The following CHD5 variants were observed in gnomAD, a reference collection of about 807,000 sequenced individuals.
CHD5 encodes ATP-dependent chromatin remodeler CHD5.
Under a neutral mutation model 230.3 loss-of-function variants are expected in CHD5, and 69 were observed. That is an observed-to-expected ratio of 0.30 (90% confidence interval 0.25 to 0.37). The LOEUF (loss-of-function observed/expected upper bound fraction) is 0.37, where lower values mean the gene tolerates loss of function less well. CHD5 is among the 10% of genes least tolerant of loss of function. The pLI is 1.00. For missense variants in CHD5, 1,827 were observed against 2,622.8 expected, an observed-to-expected ratio of 0.70 and a Z score of 6.63; for synonymous variants, 1,064 against 1,065.9, an observed-to-expected ratio of 1.00 and a Z score of 0.03.
chr1:6,106,323 G>T, intron 40 of CHD5, 36 bp from the exon 41 acceptor site: 2 of 1,612,716 alleles, frequency 1.2e-6, no homozygotes, highest in Non-Finnish European at 1.7e-6. Flanking sequence ...CTTGCCTGAC[G>T]TTGGCAGCAG....
At chr1:6,156,943 G>T (rs1667089647) in intron 3 of CHD5, among the ~76,000 whole-genome samples, 1 of 152,254 alleles carries the variant, frequency 6.6e-6, no homozygotes, top group Non-Finnish European at 1.5e-5. Flanking sequence ...CATACCGGTG[G>T]TAAGAAGTGG....
chr1:6,115,037 G>T (rs911033190), intron 33 of CHD5, among the ~76,000 whole-genome samples: 7 of 151,554 alleles, frequency 4.6e-5, no homozygotes, highest in Admixed American at 1.3e-4. Flanking sequence ...GGGGGGGCAG[G>T]CGCGGTGGCT....
In CHD5 at chr1:6,135,952, G is replaced by A. The variant is rs189715581; in HGVS notation, c.2697-549C>T. 3.2e-3 allele frequency among the ~76,000 whole-genome samples: 486 copies of A among 152,190 alleles called. 2 individuals are homozygous for A. Among genetic ancestry groups the A allele is most frequent in the African/African-American group, 0.011 (463 of 41,506 alleles). On this transcript the variant is annotated intron_variant, in intron 17 of 41. Transcript: ENST00000262450. ...TTGAACCCAGGAGGCGGAGGTTGCA[G>A]TGAACTGAGATCAAGCCACTGCACT...
At chr1:6,147,971 A>C (rs923173130) in intron 9 of CHD5, among the ~76,000 whole-genome samples, 3 of 152,036 alleles carry the variant, frequency 2.0e-5, no homozygotes, top group Non-Finnish European at 2.9e-5. Flanking sequence ...TCAGGGAAGA[A>C]GCTGAGAGGA....
rs1048737294 is a variant in CHD5, at chr1:6,105,900, C to A, written c.*46+334G>T. Among the ~76,000 whole-genome samples the A allele has an allele frequency of 2.0e-5, 3 of 152,162 alleles. No homozygotes were observed. Among genetic ancestry groups the A allele is most frequent in the Admixed American group, 6.5e-5 (1 of 15,284 alleles). ...AGCAGGGGCAGGACAGGGCTCCAGGCGGGGGCAGCAGTCTCTGACTTCCGC... is the reference window on the plus strand; with the variant it reads ...AGCAGGGGCAGGACAGGGCTCCAGGAGGGGGCAGCAGTCTCTGACTTCCGC... On this transcript the variant is annotated intron_variant, in intron 41 of 41. Transcript: ENST00000262450. The surrounding 1 kb of genome is among the most constrained non-coding windows in gnomAD (Gnocchi z 4.8).
rs770868530 is a variant in CHD5, at chr1:6,151,022, G to A, written c.994+10C>T. On this transcript the variant is annotated intron_variant, in intron 7 of 41. Coordinates refer to ENST00000262450, the MANE Select transcript of CHD5 (RefSeq NM_015557.3). ...AGCAGGCCAAGAACTCTCTGGAAGG[G>A]GAGTCATACTCCTCTTCTTCTTGCG... 6.5e-7 allele frequency: 1 copy of A among 1,538,272 alleles called. No homozygotes were observed. Among genetic ancestry groups the A allele is most frequent in the South Asian group, 1.3e-5 (1 of 79,028 alleles).
intron 33 of CHD5, among the ~76,000 whole-genome samples, chr1:6,114,291 C>G (rs977103403): frequency 5.9e-5 from 9 of 151,836 alleles, no homozygotes; most frequent in African/African-American, 1.9e-4. Flanking sequence ...GAGGATGCAC[C>G]CAATCTAAAC....
Position 6,154,723 on chromosome 1 carries a change from C to A in CHD5, c.682G>T (p.Val228Phe). Residue 228 changes from valine to phenylalanine, a missense_variant, in exon 5 of 42, where the codon GTC becomes TTC. Around this residue, in one of 14 missense-constraint regions of CHD5, gnomAD observed 657 missense variants for 816.4 expected, o/e 0.80. Transcript: ENST00000262450. This position sits in a 1 kb window ranked among gnomAD's most constrained non-coding sequence, Gnocchi z 7.0. The part of the protein sequence containing the change: ...ETVTISPPLA[V>F]SPPQVPQPVP... The stretch of plus-strand genomic sequence containing the variant: ...GGCTGGGGCACCTGCGGGGGGCTGA[C>A]GGCTAGCGGAGGGGAGATGGTGACC... 6.2e-7 allele frequency: 1 copy of A among 1,607,686 alleles called. No individual in the cohort carries two copies. The highest frequency in any genetic ancestry group is 8.5e-7 in the Non-Finnish European group (1 of 1,176,956).
chr1:6,150,367 AGGATGGATGGATGGATGGATGGAT>A (rs373764965), intron 7 of CHD5, among the ~76,000 whole-genome samples: 1 of 115,968 alleles, frequency 8.6e-6, no homozygotes, highest in Non-Finnish European at 1.8e-5. Context: ...GATGGACAAA[AGGATGGATGGATGGATGGATGGAT>A]GGATGGATGG....
In CHD5 at chr1:6,142,285, G is replaced by A. The variant is rs747682429; in HGVS notation, c.2279C>T (p.Thr760Ile). The part of the protein sequence containing the change: ...GPYLVSAPLS[T>I]IINWEREFEM... ...AAACTCGCGTTCCCAGTTGATGATGGTGGAGAGGGGCGCGCTAACCAGGTA... is the reference window on the plus strand; with the variant it reads ...AAACTCGCGTTCCCAGTTGATGATGATGGAGAGGGGCGCGCTAACCAGGTA... The change falls in exon 15 of 42, where the codon ACC becomes ATC. Residue 760 changes from threonine (T) to isoleucine (I), a missense_variant. Thr to Ile is a moderately conservative substitution (Grantham distance 89, BLOSUM62 -1). Transcript: ENST00000262450. This position sits in a 1 kb window ranked among gnomAD's most constrained non-coding sequence, Gnocchi z 5.2. 3 of 1,613,412 alleles carry A rather than the reference G, an allele frequency of 1.9e-6. No homozygotes were observed. Among genetic ancestry groups the A allele is most frequent in the East Asian group, 2.2e-5 (1 of 44,854 alleles).
At chr1:6,163,220 C>T (rs1018905046) in intron 2 of CHD5, among the ~76,000 whole-genome samples, 4 of 152,214 alleles carry the variant, frequency 2.6e-5, no homozygotes, top group African/African-American at 9.7e-5. Flanking sequence ...CCCACTGGGG[C>T]TCAGGCAAGC....
intron 33 of CHD5, among the ~76,000 whole-genome samples, chr1:6,114,941 G>C (rs1468207797): frequency 4.6e-5 from 7 of 151,316 alleles, no homozygotes; most frequent in Non-Finnish European, 8.8e-5. Flanking sequence ...TTGAACCCGG[G>C]AAGCAGAGGC....
At position 6,128,753 on chromosome 1, in the gene CHD5, G is replaced by T; in HGVS notation, c.3619+85C>A. ...AGAAGAGAGGCTGTGTGTTGGAGCG[G>T]GCAGGGACCCAAGCAAGCCCTGGAT... is the stretch of plus-strand genomic sequence containing the variant. On this transcript the variant is annotated intron_variant, in intron 23 of 41. Transcript: ENST00000262450. This position sits in a 1 kb window ranked among gnomAD's most constrained non-coding sequence, Gnocchi z 7.8. 7.6e-7 allele frequency: 1 copy of T among 1,314,066 alleles called. No individual in the cohort carries two copies. The allele number at this position is 1,314,066 out of a possible 1,614,324, so 81.4% of individuals were successfully genotyped here.
intron 12 of CHD5, 29 bp from the exon 13 acceptor site, chr1:6,143,960 C>A: frequency 6.2e-7 from 1 of 1,614,124 alleles, no homozygotes; most frequent in African/African-American, 1.3e-5. Context: ...GGCAGGTGAG[C>A]AAGGCTCAGC....
intron 38 of CHD5, among the ~76,000 whole-genome samples, chr1:6,108,354 T>C (rs1162217657): frequency 7.9e-6 from 1 of 127,098 alleles, no homozygotes; most frequent in Non-Finnish European, 1.6e-5. Context: ...GAAGGGATAA[T>C]GGAGGGATGG....
chr1:6,156,234 T>C (rs1373547786), intron 3 of CHD5, among the ~76,000 whole-genome samples: 3 of 152,182 alleles, frequency 2.0e-5, no homozygotes, highest in Non-Finnish European at 4.4e-5. Context: ...TAAGCCACTT[T>C]AGAAAGACAT....
rs780153511 is a variant in CHD5 at position 6,149,001 on chromosome 1, C to G, written c.1236G>C (p.Glu412Asp). The change falls in exon 9 of 42, where the codon GAG (glutamate) becomes GAC (aspartate). Residue 412 changes from glutamate (E) to aspartate (D), a missense_variant. This residue lies in a region of CHD5 where 657 missense variants were observed against 816.4 expected (regional missense o/e 0.80). Transcript: ENST00000262450. The stretch of plus-strand genomic sequence containing the variant: ...CGCGGCAGAACTCCATGTGGTCGTC[C>G]TCCTCCTCCTCGCAGCCGCCCTCCT... ...EEEEGGCEEE[E>D]DDHMEFCRVC... 28 of 1,590,094 alleles carry G rather than the reference C, an allele frequency of 1.8e-5. No individual in the cohort carries two copies. Among genetic ancestry groups the G allele is most frequent in the East Asian group, 4.6e-5 (2 of 43,792 alleles).
In CHD5 at chr1:6,125,019, C is replaced by T; in HGVS notation, c.4394+81G>A. 7.3e-7 allele frequency: 1 copy of T among 1,372,010 alleles called. No homozygotes were observed. Among genetic ancestry groups the T allele is most frequent in the Non-Finnish European group, 9.7e-7 (1 of 1,033,066 alleles). The allele number at this position is 1,372,010 out of a possible 1,614,324, so 85.0% of individuals were successfully genotyped here. The stretch of plus-strand genomic sequence containing the variant: ...TCATCCTGGCGGAAGCAAATGCTGC[C>T]CTCTGTGGGGCTCACCCGCAGGACC... On this transcript the variant is annotated intron_variant, in intron 29 of 41. Coordinates refer to ENST00000262450, the MANE Select transcript of CHD5 (RefSeq NM_015557.3). The surrounding 1 kb of genome is among the most constrained non-coding windows in gnomAD (Gnocchi z 6.7).
Position 6,142,035 on chromosome 1 carries a change from G to T in CHD5, c.2436+93C>A. On this transcript the variant is annotated intron_variant, in intron 15 of 41. Transcript: ENST00000262450. The surrounding 1 kb of genome is among the most constrained non-coding windows in gnomAD (Gnocchi z 5.2). ...CTGCCGGCCTCGGTAGCCCTCCCAG[G>T]CTGAGGGACCCCAAAGGAGTGCACG... The T allele has an allele frequency of 1.7e-6, 2 of 1,162,582 alleles. No individual in the cohort carries two copies. The highest frequency in any genetic ancestry group is 1.3e-5 in the South Asian group (1 of 74,362). The allele number at this position is 1,162,582 out of a possible 1,614,324, so 72.0% of individuals were successfully genotyped here. A position where few individuals can be genotyped will look rare whatever the true frequency, so the allele number is the denominator to read the frequency against.
Sources: gnomAD v4.1 joint callset for allele counts (sites outside exome capture counted in the v4.1 genomes callset) on GRCh38, gnomAD v4.1.1 for gene constraint, gnomAD v4.1.1 regional missense constraint, Gnocchi (gnomAD v3.1) non-coding constraint, MANE v1.5 for transcripts, NCBI Gene and HGNC (gene_info 2026-07-23, HGNC 2026-07-21) for gene names.